ADK: variants seen among roughly 807,000 people sequenced by gnomAD.
ADK encodes the protein adenosine kinase, also known as N6,N6-dimethyladenosine kinase.
In ADK, 24 loss-of-function variants were observed where a neutral mutation model predicts 44.7. That is an observed-to-expected ratio of 0.54 (90% CI 0.39 to 0.76). The LOEUF is 0.76. ADK is among the 30% of genes least tolerant of loss of function. The pLI is 0.00. For synonymous variants in ADK, 128 were observed against 142.6 expected (o/e 0.90, Z 0.73); for missense variants, 321 against 425.1 (o/e 0.76, Z 2.15).
intron 1 of ADK, chr10:74,176,753 A>ACG (rs1304848141): frequency 1.3e-6 from 2 of 1,545,972 alleles, no homozygotes; most frequent in South Asian, 1.2e-5. Flanking sequence ...GTGTGTGAGG[A>ACG]CGCGCTCCCA....
chr10:74,653,739 G>C (rs1854370008), intron 9 of ADK, among the ~76,000 whole-genome samples: 1 of 152,170 alleles, frequency 6.6e-6, no homozygotes, highest in Admixed American at 6.5e-5. Context: ...GGTGTTTATT[G>C]CTGTATTCCA....
At chr10:74,505,898 C>T (rs1303794143) in intron 6 of ADK, among the ~76,000 whole-genome samples, 1 of 152,096 alleles carries the variant, frequency 6.6e-6, no homozygotes, top group Non-Finnish European at 1.5e-5. Flanking sequence ...GTGTGGGTGA[C>T]CCGGGGCATT....
At chr10:74,608,348 T>G (rs1852414613) in intron 9 of ADK, among the ~76,000 whole-genome samples, 1 of 152,016 alleles carries the variant, frequency 6.6e-6, no homozygotes, top group African/African-American at 2.4e-5. Context: ...TTTGCACTGG[T>G]TTTTCCTTAT....
chr10:74,238,735 A>G (rs957627735), intron 3 of ADK, among the ~76,000 whole-genome samples: 2 of 152,082 alleles, frequency 1.3e-5, no homozygotes, highest in African/African-American at 2.4e-5. Context: ...GTTTTATTCT[A>G]AGCAACCCAG....
At position 74,378,300 on chromosome 10, in the gene ADK, A is replaced by G. The variant is rs113898563; in HGVS notation, c.274-15841A>G. Among the ~76,000 whole-genome samples, 799 of 152,150 alleles carry G rather than the reference A, an allele frequency of 5.3e-3. 12 individuals are homozygous for G. Among genetic ancestry groups the G allele is most frequent in the African/African-American group, 0.017 (725 of 41,536 alleles). ...CAGATGTTTGTTTTTTAATTTTTCC[A>G]TATCTTTTGCAGATTGTGATATTGT... On this transcript the variant is annotated intron_variant, in intron 4 of 10. Coordinates refer to ENST00000539909, the MANE Select transcript of ADK (RefSeq NM_006721.4).
intron 6 of ADK, among the ~76,000 whole-genome samples, chr10:74,520,356 T>G (rs901213338): frequency 6.6e-6 from 1 of 152,014 alleles, no homozygotes; most frequent in African/African-American, 2.4e-5. Flanking sequence ...CACAGTTGAT[T>G]AATTATAGTC....
intron 1 of ADK, among the ~76,000 whole-genome samples, chr10:74,192,308 A>G (rs10824104): frequency 0.13 from 19,984 of 150,752 alleles, 1,323 homozygotes; most frequent in Middle Eastern, 0.21. Context: ...GCTCACCACA[A>G]CCTCCGCCTC....
chr10:74,258,446 T>G (rs1845909764), intron 3 of ADK, among the ~76,000 whole-genome samples: 3 of 152,164 alleles, frequency 2.0e-5, no homozygotes, highest in Non-Finnish European at 4.4e-5. Context: ...TTGCTTCTAT[T>G]TTCTCTCTTA....
chr10:74,376,937 T>A (rs1842837740), intron 4 of ADK, among the ~76,000 whole-genome samples: 1 of 152,186 alleles, frequency 6.6e-6, no homozygotes, highest in Non-Finnish European at 1.5e-5. Context: ...CAGGTTTTAT[T>A]TCTTTAGGCA....
At chr10:74,285,985 C>T (rs1274960814) in intron 3 of ADK, among the ~76,000 whole-genome samples, 3 of 152,088 alleles carry the variant, frequency 2.0e-5, no homozygotes, top group Non-Finnish European at 4.4e-5. Context: ...TCCTTAAGGT[C>T]TTAATAGTCT....
chr10:74,601,442 CATAG>C (rs1176889946), intron 9 of ADK, among the ~76,000 whole-genome samples: 1 of 151,868 alleles, frequency 6.6e-6, no homozygotes, highest in Non-Finnish European at 1.5e-5. Flanking sequence ...TTATAGGATA[CATAG>C]ATATATATAG....
chr10:74,706,352 A>G (rs1376327911), intron 10 of ADK, among the ~76,000 whole-genome samples: 3 of 152,210 alleles, frequency 2.0e-5, no homozygotes, highest in African/African-American at 4.8e-5. Context: ...TAGCAAACCC[A>G]AGATCACTAA....
At chr10:74,205,857 A>G (rs1843578222) in intron 2 of ADK, among the ~76,000 whole-genome samples, 1 of 152,154 alleles carries the variant, frequency 6.6e-6, no homozygotes, top group South Asian at 2.1e-4. Flanking sequence ...AACTATGTCG[A>G]TAACTTTCTT....
intron 9 of ADK, among the ~76,000 whole-genome samples, chr10:74,651,862 G>A (rs1854285158): frequency 6.6e-6 from 1 of 152,086 alleles, no homozygotes; most frequent in African/African-American, 2.4e-5. Flanking sequence ...AAAACATTAT[G>A]CTAAAAAAAA....
chr10:74,685,549 T>C (rs1221086887), intron 10 of ADK, among the ~76,000 whole-genome samples: 1 of 152,236 alleles, frequency 6.6e-6, no homozygotes, highest in Non-Finnish European at 1.5e-5. Context: ...AGGGCACCTC[T>C]AGAGCTTGCT....
At chr10:74,250,125 G>T (rs7092245) in intron 3 of ADK, among the ~76,000 whole-genome samples, 4,854 of 152,164 alleles carry the variant, frequency 0.032, 273 homozygotes, top group African/African-American at 0.11. Flanking sequence ...ATACAACCTG[G>T]CCCTGAAAAA....
chr10:74,160,711 GTGTGTGTA>G (rs952214721), intron 1 of ADK, among the ~76,000 whole-genome samples: 45 of 150,134 alleles, frequency 3.0e-4, no homozygotes, highest in African/African-American at 1.1e-3. Context: ...GTGTGTGTGT[GTGTGTGTA>G]TGTGTGTGTG....
At position 74,328,471 on chromosome 10, in the gene ADK, A is replaced by C. The variant is rs75390641; in HGVS notation, c.273+13726A>C. Among the ~76,000 whole-genome samples the C allele has an allele frequency of 5.5e-3, 836 of 152,102 alleles. 11 individuals carry two copies. The highest frequency in any genetic ancestry group is 0.019 in the African/African-American group (803 of 41,516). On this transcript the variant is annotated intron_variant, in intron 4 of 10. Transcript: ENST00000539909. Reference sequence around the variant, plus strand: ...TTGCAGTCAAAGCACCATTTCCCTTACTGTCTGATATGGTTTGGCTCTGTG... The same window carrying C: ...TTGCAGTCAAAGCACCATTTCCCTTCCTGTCTGATATGGTTTGGCTCTGTG...
intron 10 of ADK, among the ~76,000 whole-genome samples, chr10:74,705,897 A>AT (rs1213047483): frequency 9.2e-5 from 14 of 152,232 alleles, no homozygotes; most frequent in African/African-American, 3.4e-4. Flanking sequence ...GATATTGAAC[A>AT]TTTTTTCATT....
Sources: gnomAD v4.1 joint callset for allele counts (sites outside exome capture counted in the v4.1 genomes callset) on GRCh38, gnomAD v4.1.1 for gene constraint, MANE v1.5 for transcripts, NCBI Gene and HGNC (gene_info 2026-07-23, HGNC 2026-07-21) for gene names.